Variants in ACMSD observed in about 807,000 individuals in gnomAD.
ACMSD encodes 2-amino-3-carboxymuconate-6-semialdehyde decarboxylase.
A neutral mutation model predicts 45.9 loss-of-function variants in ACMSD; 37 were observed. The observed-to-expected ratio is 0.81, with a 90% CI of 0.62 to 1.06. The LOEUF (loss-of-function observed/expected upper bound fraction) is 1.06, where lower values mean the gene tolerates loss of function less well. Among genes scored for constraint, ACMSD ranks in the 50% least tolerant of loss-of-function variants. ACMSD has a pLI of 0.00. For missense variants in ACMSD, 434 were observed against 420.9 expected (o/e 1.03, Z -0.27); for synonymous variants, 138 against 148.8 (o/e 0.93, Z 0.53).
chr2:134,891,809 C>CA (rs1190405681), intron 8 of ACMSD, among the ~76,000 whole-genome samples: 1 of 151,952 alleles, frequency 6.6e-6, no homozygotes, highest in Admixed American at 6.6e-5. Context: ...ATCACAATAG[C>CA]AAAGAAATGG....
Position 134,885,357 on chromosome 2 carries a change from TTTAC to T in ACMSD, c.849+12717_849+12720del, listed in dbSNP as rs1689327398. 4.7e-5 allele frequency among the ~76,000 whole-genome samples: 5 copies of T among 106,932 alleles called. 1 individual carries two copies. Among genetic ancestry groups the T allele is most frequent in the Admixed American group, 4.3e-4 (3 of 6,912 alleles). 70.2% of individuals were successfully genotyped at this position (106,932 alleles called of 152,430 possible). ...AATATATATTTATATATAATATATA[TTTAC>T]ATATATATTATATATAATATATATG... On this transcript the variant is annotated intron_variant, in intron 8 of 9. Transcript: ENST00000356140.
intron 3 of ACMSD, 67 bp downstream of exon 3, chr2:134,859,424 T>C (rs1330557539): frequency 9.4e-6 from 14 of 1,487,328 alleles, no homozygotes; most frequent in Non-Finnish European, 1.2e-5. Flanking sequence ...TAAAGTTTGC[T>C]GACAACTTTA....
At chr2:134,843,792 C>A (rs906787070) in intron 1 of ACMSD, among the ~76,000 whole-genome samples, 1 of 152,218 alleles carries the variant, frequency 6.6e-6, no homozygotes, top group Admixed American at 6.5e-5. Flanking sequence ...ATGCAGGAAG[C>A]GTGGAAATCC....
intron 5 of ACMSD, among the ~76,000 whole-genome samples, chr2:134,865,650 A>C (rs959677721): frequency 6.6e-6 from 1 of 152,176 alleles, no homozygotes; most frequent in Non-Finnish European, 1.5e-5. Context: ...TTGCGTCAAT[A>C]ATGTGCTGAA....
intron 8 of ACMSD, among the ~76,000 whole-genome samples, chr2:134,894,182 G>C (rs1689959201): frequency 6.6e-6 from 1 of 151,900 alleles, no homozygotes; most frequent in Non-Finnish European, 1.5e-5. Flanking sequence ...ACCAAAATTT[G>C]GTTCTTTGAA....
rs1307603527 is a variant in ACMSD, at chr2:134,862,016, T to C, written c.247T>C (p.Trp83Arg). 1 of 1,614,162 alleles carries C rather than the reference T, an allele frequency of 6.2e-7. No homozygotes were observed. Among genetic ancestry groups the C allele is most frequent in the Non-Finnish European group, 8.5e-7 (1 of 1,180,006 alleles). The change falls in exon 4 of 10, where the codon TGG becomes CGG. Residue 83 changes from tryptophan to arginine, a missense_variant and splice_region_variant. Coordinates refer to ENST00000356140, the MANE Select transcript of ACMSD (RefSeq NM_138326.3). ...CACAGTTCCTGTCATGTTTAGCTAC[T>C]GGGTGAGTGTGAAACCTCAAGCCAT... ...LSTVPVMFSYWAKPEDTLNLC... is the reference protein window; with the variant it reads ...LSTVPVMFSYRAKPEDTLNLC...
chr2:134,888,409 C>T (rs1689581454), intron 8 of ACMSD, among the ~76,000 whole-genome samples: 1 of 152,280 alleles, frequency 6.6e-6, no homozygotes, highest in South Asian at 2.1e-4. Context: ...AGAATTTTCA[C>T]ACATTGTTAG....
At chr2:134,856,012 A>G (rs1316631028) in intron 2 of ACMSD, among the ~76,000 whole-genome samples, 8 of 152,218 alleles carry the variant, frequency 5.3e-5, no homozygotes, top group Non-Finnish European at 1.2e-4. Context: ...GCACCACCAA[A>G]GGTGGTGTGC....
chr2:134,845,298 G>A (rs745367707), intron 2 of ACMSD, 21 bp downstream of exon 2: 2 of 1,614,004 alleles, frequency 1.2e-6, no homozygotes, highest in Admixed American at 3.3e-5. Flanking sequence ...TCCAAAGTAT[G>A]AACATCAGTA....
At chr2:134,900,363 AT>A (rs1186117475) in intron 9 of ACMSD, among the ~76,000 whole-genome samples, 1 of 152,018 alleles carries the variant, frequency 6.6e-6, no homozygotes, top group Non-Finnish European at 1.5e-5. Context: ...CTCCCTCCCC[AT>A]TAGTCACTTA....
chr2:134,852,329 A>C (rs1687382307), intron 2 of ACMSD, among the ~76,000 whole-genome samples: 1 of 152,180 alleles, frequency 6.6e-6, no homozygotes, highest in Non-Finnish European at 1.5e-5. Context: ...AAAGGGAGTC[A>C]GAATGGAAGC....
chr2:134,864,135 G>A (rs972660950), intron 5 of ACMSD, among the ~76,000 whole-genome samples: 2 of 151,952 alleles, frequency 1.3e-5, no homozygotes, highest in African/African-American at 4.8e-5. Context: ...GCCAGGCGTA[G>A]TGCCACACCC....
intron 2 of ACMSD, among the ~76,000 whole-genome samples, chr2:134,852,278 A>T (rs1157612273): frequency 6.6e-6 from 1 of 152,080 alleles, no homozygotes; most frequent in Non-Finnish European, 1.5e-5. Context: ...TGAGATGGGG[A>T]TTTGTAAGTT....
chr2:134,861,077 A>G (rs892235084), intron 3 of ACMSD, among the ~76,000 whole-genome samples: 2 of 152,092 alleles, frequency 1.3e-5, no homozygotes, highest in African/African-American at 4.8e-5. Flanking sequence ...TTTAAATTGA[A>G]CTTTGCAGAA....
chr2:134,873,008 TG>T (rs1164794822), intron 8 of ACMSD: 1 of 210,100 alleles, frequency 4.8e-6, no homozygotes, highest in African/African-American at 2.2e-5. Flanking sequence ...CAAATTGACC[TG>T]GGTTAAAATC....
rs2104982917 is a variant in ACMSD at position 134,901,843 on chromosome 2, A to G, written c.994A>G (p.Arg332Gly). The G allele has an allele frequency of 6.2e-7, 1 of 1,600,980 alleles. No homozygotes were observed. The highest frequency in any genetic ancestry group is 8.5e-7 in the Non-Finnish European group (1 of 1,171,762). Residue 332 changes from arginine to glycine, a missense_variant, in exon 10 of 10, where the codon AGA (arginine) becomes GGA (glycine). Coordinates refer to ENST00000356140, the MANE Select transcript of ACMSD (RefSeq NM_138326.3). ...GNALAFLGLE[R>G]KQFE is the part of the protein sequence containing the mutation. ...TGCCCTGGCATTTTTGGGTCTTGAGAGAAAACAATTTGAATGACTGAATTT... is the reference window on the plus strand; with the variant it reads ...TGCCCTGGCATTTTTGGGTCTTGAGGGAAAACAATTTGAATGACTGAATTT...
chr2:134,844,996 G>A (rs1378440260), intron 1 of ACMSD, among the ~76,000 whole-genome samples: 1 of 152,144 alleles, frequency 6.6e-6, no homozygotes, highest in African/African-American at 2.4e-5. Context: ...GCTGCATTAG[G>A]GGAAAAGATA....
At position 134,898,402 on chromosome 2, in the gene ACMSD, T is replaced by C; in HGVS notation, c.911T>C (p.Leu304Pro). The C allele has an allele frequency of 6.2e-7, 1 of 1,602,670 alleles. No homozygotes were observed. The highest frequency in any genetic ancestry group is 8.5e-7 in the Non-Finnish European group (1 of 1,175,284). Residue 304 changes from leucine to proline, a missense_variant, in exon 9 of 10, where the codon CTA (leucine) becomes CCA (proline). Transcript: ENST00000356140. ...FPLGELEPGK[L>P]IESMEEFDEE... is the part of the protein sequence containing the mutation. Reference sequence around the variant, plus strand: ...CTAGGTGAGCTGGAACCTGGGAAACTAATAGAGTCCATGGAAGAATTTGAT... The same window carrying C: ...CTAGGTGAGCTGGAACCTGGGAAACCAATAGAGTCCATGGAAGAATTTGAT...
intron 1 of ACMSD, among the ~76,000 whole-genome samples, chr2:134,842,745 TC>T (rs1686864107): frequency 6.6e-6 from 1 of 152,162 alleles, no homozygotes; most frequent in South Asian, 2.1e-4. Context: ...AAAACTTATG[TC>T]CCCACCACTC....
Sources: gnomAD v4.1 joint callset for allele counts (sites outside exome capture counted in the v4.1 genomes callset) on GRCh38, gnomAD v4.1.1 for gene constraint, MANE v1.5 for transcripts, NCBI Gene and HGNC (gene_info 2026-07-23, HGNC 2026-07-21) for gene names.